Variants in ECM2 observed in about 807,000 individuals in gnomAD.
ECM2 encodes the protein extracellular matrix protein 2, female organ and adipocyte specific.
In ECM2, 57 loss-of-function variants were observed where a neutral mutation model predicts 67.5. The observed-to-expected ratio is 0.84, with a 90% CI of 0.68 to 1.05. The LOEUF is 1.05. Among genes scored for constraint, ECM2 ranks in the 50% least tolerant of loss-of-function variants. ECM2 has a pLI of 0.00. For missense variants in ECM2, 741 were observed against 822.8 expected (o/e 0.90, Z 1.22); for synonymous variants, 258 against 294.5 (o/e 0.88, Z 1.27).
chr9:92,533,692 T>G (rs916448745), intron 1 of ECM2, among the ~76,000 whole-genome samples: 2 of 152,136 alleles, frequency 1.3e-5, no homozygotes, highest in African/African-American at 4.8e-5. Context: ...ATCCTCTTTT[T>G]CTCAGAGAAT....
At chr9:92,535,204 A>G (rs1849095369) in intron 1 of ECM2, among the ~76,000 whole-genome samples, 1 of 152,222 alleles carries the variant, frequency 6.6e-6, no homozygotes, top group African/African-American at 2.4e-5. Context: ...GTATCTAAAC[A>G]GTCTCACTAC....
intron 7 of ECM2, among the ~76,000 whole-genome samples, chr9:92,503,877 A>C (rs1846834638): frequency 6.6e-6 from 1 of 152,244 alleles, no homozygotes; most frequent in South Asian, 2.1e-4. Context: ...CAGCTGTAGG[A>C]AAGAATGACA....
At chr9:92,551,925 G>GTGTGTATA in the ECM2 span, among the ~76,000 whole-genome samples, 30 of 84,568 alleles carry the variant, frequency 3.5e-4, 5 homozygotes, top group African/African-American at 2.4e-3. Flanking sequence ...TGGTGTGTGT[G>GTGTGTATA]TATATATATA....
chr9:92,557,799 C>T, the ECM2 span, among the ~76,000 whole-genome samples: 4 of 152,070 alleles, frequency 2.6e-5, no homozygotes, highest in African/African-American at 4.8e-5. Context: ...TGCACCACCA[C>T]GCCCGACTAA....
chr9:92,502,511 A>G lies in ECM2; in HGVS notation c.1604+2T>C. The G allele has an allele frequency of 1.2e-6, 2 of 1,611,830 alleles. No homozygotes were observed. Among genetic ancestry groups the G allele is most frequent in the Non-Finnish European group, 1.7e-6 (2 of 1,178,992 alleles). ...AAAATTTAAATTGTAGCATGTACTT[A>G]CTCTTGATTTATCCAGGCTAAAGGA... On this transcript the variant is annotated splice_donor_variant, in intron 8 of 9. Coordinates refer to ENST00000344604, the MANE Select transcript of ECM2 (RefSeq NM_001393.4). LOFTEE classifies it high-confidence loss of function.
intron 6 of ECM2, among the ~76,000 whole-genome samples, chr9:92,508,794 G>A (rs1471492548): frequency 1.3e-5 from 2 of 151,766 alleles, no homozygotes; most frequent in Admixed American, 6.6e-5. Flanking sequence ...AAGTTTTTTG[G>A]GAGCTACAGG....
chr9:92,552,100 T>C, the ECM2 span, among the ~76,000 whole-genome samples: 4 of 137,700 alleles, frequency 2.9e-5, no homozygotes, highest in Non-Finnish European at 6.3e-5. Flanking sequence ...ATATGATAGA[T>C]CTATCATATA....
chr9:92,515,088 C>G lies in ECM2; in HGVS notation c.597G>C (p.Gln199His). Residue 199 changes from glutamine (Q) to histidine (H), a missense_variant, in exon 4 of 10, where the codon CAG becomes CAC. Transcript: ENST00000344604. The stretch of plus-strand genomic sequence containing the variant: ...TTCTTACTATTCGGTCCATTCCCAC[C>G]TGAGGAGGTGGCAGTTGCTTATGAA... Reference protein sequence around the residue: ...NLLHKQLPPPQVGMDRIVRKE... With the variant: ...NLLHKQLPPPHVGMDRIVRKE... 1 of 1,614,120 alleles carries G rather than the reference C, an allele frequency of 6.2e-7. No homozygotes were observed.
intron 9 of ECM2, among the ~76,000 whole-genome samples, 197 bp from the exon 10 acceptor site, chr9:92,496,680 C>T (rs1431619104): frequency 1.3e-5 from 2 of 152,210 alleles, no homozygotes; most frequent in African/African-American, 2.4e-5. Context: ...ACTGTGGTCA[C>T]ACCCTCTGAC....
upstream of ECM2, among the ~76,000 whole-genome samples, chr9:92,538,346 G>A (rs958794489): frequency 6.6e-6 from 1 of 152,164 alleles, no homozygotes; most frequent in Non-Finnish European, 1.5e-5. Context: ...TTTGATGTAT[G>A]TAATTTAGCA....
upstream of ECM2, among the ~76,000 whole-genome samples, chr9:92,540,964 T>C (rs1487269339): frequency 1.3e-5 from 2 of 151,818 alleles, no homozygotes; most frequent in East Asian, 3.9e-4. Flanking sequence ...ATTTTTTCTT[T>C]TTTAAAAAAT....
chr9:92,545,246 C>T, the ECM2 span, among the ~76,000 whole-genome samples: 61 of 152,196 alleles, frequency 4.0e-4, no homozygotes, highest in African/African-American at 1.4e-3. Context: ...AGGCCGGAGC[C>T]GCTCAGGTTT....
intron 9 of ECM2, among the ~76,000 whole-genome samples, chr9:92,500,213 C>T (rs930047841): frequency 4.6e-5 from 7 of 152,068 alleles, no homozygotes; most frequent in African/African-American, 1.7e-4. Flanking sequence ...GATGGAGTCT[C>T]ACTCTGTCAC....
At chr9:92,533,578 C>T (rs184968609) in intron 1 of ECM2, among the ~76,000 whole-genome samples, 3 of 151,778 alleles carry the variant, frequency 2.0e-5, no homozygotes, top group African/African-American at 7.2e-5. Flanking sequence ...GTTTTTCTCA[C>T]CCTTTCTAGT....
Position 92,505,826 on chromosome 9 carries a change from C to T in ECM2, c.1307-136G>A, listed in dbSNP as rs1039236185. 6.0e-6 allele frequency: 4 copies of T among 663,670 alleles called. No individual in the cohort carries two copies. The African/African-American group carries it at 7.3e-5, about 12-fold the overall frequency. 41.1% of individuals were successfully genotyped at this position (663,670 alleles called of 1,614,324 possible). A position where few individuals can be genotyped will look rare whatever the true frequency, so the allele number is the denominator to read the frequency against. On this transcript the variant is annotated intron_variant, in intron 6 of 9. Coordinates refer to ENST00000344604, the MANE Select transcript of ECM2 (RefSeq NM_001393.4). Reference sequence around the variant, plus strand: ...AGTTTTTTTTAAACCTTTGTATCCTCCTATAAAACCTTTTCTTAAGTACTT... The same window carrying T: ...AGTTTTTTTTAAACCTTTGTATCCTTCTATAAAACCTTTTCTTAAGTACTT...
chr9:92,504,754 C>T (rs945835289), intron 7 of ECM2, among the ~76,000 whole-genome samples: 2 of 152,096 alleles, frequency 1.3e-5, no homozygotes, highest in African/African-American at 4.8e-5. Context: ...GCCCAGGCTA[C>T]TCTCAAACTC....
At chr9:92,544,590 A>G in the ECM2 span, among the ~76,000 whole-genome samples, 5 of 151,908 alleles carry the variant, frequency 3.3e-5, no homozygotes, top group African/African-American at 1.2e-4. Context: ...CAAATATTCT[A>G]CATTCCAAAG....
At position 92,515,182 on chromosome 9, in the gene ECM2, C is replaced by A; in HGVS notation, c.503G>T (p.Gly168Val). ...TTCATTTCTATCATTTAATGCTATACCACTGAGTAGAGAATAGGAGACTAA... is the reference window on the plus strand; with the variant it reads ...TTCATTTCTATCATTTAATGCTATAACACTGAGTAGAGAATAGGAGACTAA... ...SATVSYSLLSGIALNDRNEFS... is the reference protein window; with the variant it reads ...SATVSYSLLSVIALNDRNEFS... The change falls in exon 4 of 10, where the codon GGT becomes GTT. Residue 168 changes from glycine (G) to valine (V), a missense_variant. Physicochemically the swap from Gly to Val is moderately radical, Grantham distance 109. Transcript: ENST00000344604. The A allele has an allele frequency of 6.3e-7, 1 of 1,596,614 alleles. No individual in the cohort carries two copies.
downstream of ECM2, chr9:92,494,107 T>G (rs1472597712): frequency 5.0e-6 from 8 of 1,597,848 alleles, no homozygotes; most frequent in Non-Finnish European, 6.8e-6. Context: ...AGGCCACATC[T>G]GATCTGTTTG....
Sources: gnomAD v4.1 joint callset for allele counts (sites outside exome capture counted in the v4.1 genomes callset) on GRCh38, gnomAD v4.1.1 for gene constraint, MANE v1.5 for transcripts, NCBI Gene and HGNC (gene_info 2026-07-23, HGNC 2026-07-21) for gene names.